The following CCDC148 variants were observed in gnomAD, a reference collection of about 807,000 sequenced individuals.
CCDC148 encodes coiled-coil domain-containing protein 148.
A neutral mutation model predicts 85.7 loss-of-function variants in CCDC148; 89 were observed. The ratio of observed to expected loss-of-function variants is 1.04; its 90% CI spans 0.87 to 1.24. CCDC148 has a LOEUF of 1.24. Among genes scored for constraint, CCDC148 ranks in the 50% most tolerant of loss-of-function variants. CCDC148 has a pLI of 0.00. For missense variants in CCDC148, 692 were observed against 671.7 expected (o/e 1.03, Z -0.33); for synonymous variants, 230 against 213.9 (o/e 1.08, Z -0.66).
chr2:158,307,972 C>T (rs1691777208), intron 9 of CCDC148, among the ~76,000 whole-genome samples: 1 of 152,120 alleles, frequency 6.6e-6, no homozygotes, highest in Non-Finnish European at 1.5e-5. Flanking sequence ...GCGTGTGTGT[C>T]ATAAAGCTTC....
At chr2:158,274,112 T>G (rs190217136) in intron 9 of CCDC148, among the ~76,000 whole-genome samples, 1 of 152,298 alleles carries the variant, frequency 6.6e-6, no homozygotes, top group African/African-American at 2.4e-5. Context: ...GGAATGTCCC[T>G]AGATGTCATT....
chr2:158,448,602 C>T (rs569849625), intron 1 of CCDC148, among the ~76,000 whole-genome samples: 6 of 152,116 alleles, frequency 3.9e-5, no homozygotes, highest in Non-Finnish European at 7.4e-5. Flanking sequence ...GCTCGGCCTT[C>T]CAAAGTGCTG....
At chr2:158,272,452 C>T (rs1455342797) in intron 9 of CCDC148, among the ~76,000 whole-genome samples, 1 of 152,154 alleles carries the variant, frequency 6.6e-6, no homozygotes, top group African/African-American at 2.4e-5. Flanking sequence ...AAAAAGTACA[C>T]AACTACTGCC....
At chr2:158,352,830 G>A (rs1216566674) in intron 2 of CCDC148, among the ~76,000 whole-genome samples, 1 of 152,062 alleles carries the variant, frequency 6.6e-6, no homozygotes, top group Non-Finnish European at 1.5e-5. Flanking sequence ...CAGAGAGAAA[G>A]GTCGGGTTAC....
intron 11 of CCDC148, among the ~76,000 whole-genome samples, chr2:158,217,466 G>A (rs6730493): frequency 0.36 from 53,435 of 150,158 alleles, 11,390 homozygotes; most frequent in South Asian, 0.6. Context: ...GCGGTAGCAC[G>A]ATCTCAGCTC....
intron 9 of CCDC148, among the ~76,000 whole-genome samples, chr2:158,306,858 A>C (rs1691714867): frequency 1.3e-5 from 2 of 151,264 alleles, no homozygotes; most frequent in Admixed American, 1.3e-4. Flanking sequence ...AAAAAAAAAA[A>C]TTACAAAAAA....
At chr2:158,226,853 T>G (rs1687567222) in intron 10 of CCDC148, among the ~76,000 whole-genome samples, 2 of 152,124 alleles carry the variant, frequency 1.3e-5, no homozygotes, top group South Asian at 2.1e-4. Context: ...AATATCATAC[T>G]GAATGGGCAA....
intron 1 of CCDC148, among the ~76,000 whole-genome samples, chr2:158,364,430 C>T (rs544386484): frequency 6.6e-6 from 1 of 152,270 alleles, no homozygotes; most frequent in East Asian, 1.9e-4. Context: ...GCTACAGTAA[C>T]CAAAACAGCA....
intron 1 of CCDC148, among the ~76,000 whole-genome samples, chr2:158,426,767 T>C (rs1687097775): frequency 6.6e-6 from 1 of 152,202 alleles, no homozygotes; most frequent in Admixed American, 6.5e-5. Flanking sequence ...TAACTTTATT[T>C]GTTCCAGTGA....
intron 9 of CCDC148, among the ~76,000 whole-genome samples, chr2:158,301,587 A>G (rs1285484114): frequency 1.3e-5 from 2 of 152,222 alleles, no homozygotes; most frequent in Non-Finnish European, 2.9e-5. Context: ...TAAGGATATA[A>G]GAGCAAAGAG....
chr2:158,280,614 C>A (rs1405174697), intron 9 of CCDC148, among the ~76,000 whole-genome samples: 2 of 152,082 alleles, frequency 1.3e-5, no homozygotes, highest in Non-Finnish European at 2.9e-5. Context: ...CAGAAGCACC[C>A]AGATTCATAA....
At chr2:158,456,388 G>A in intron 1 of CCDC148, 27 bp downstream of exon 1, 2 of 1,609,396 alleles carry the variant, frequency 1.2e-6, no homozygotes, top group South Asian at 1.1e-5. Flanking sequence ...AGGAAGCAGC[G>A]ATGGAAGGGA....
chr2:158,268,131 A>G (rs1159631869), intron 9 of CCDC148, among the ~76,000 whole-genome samples: 1 of 152,208 alleles, frequency 6.6e-6, no homozygotes, highest in Admixed American at 6.5e-5. Flanking sequence ...GCTGAGTCGT[A>G]CATGTTTAAC....
intron 9 of CCDC148, among the ~76,000 whole-genome samples, chr2:158,300,372 G>C (rs2105198484): frequency 6.6e-6 from 1 of 152,256 alleles, no homozygotes; most frequent in Non-Finnish European, 1.5e-5. Context: ...GAATAAGATG[G>C]TGTTCCTGTT....
In CCDC148 at chr2:158,340,292, G is replaced by T. The variant is rs760807168; in HGVS notation, c.436C>A (p.Gln146Lys). ...AACTCAATATGTGGGTGTGAATGCT[G>T]CAAAGTGTGATGCTGTCTGTATTTT... is the stretch of plus-strand genomic sequence containing the variant. ...DLKYRQHHTL[Q>K]HSHPHIEFNS... The change falls in exon 5 of 14, where the codon CAG becomes AAG. Residue 146 changes from glutamine (Q) to lysine (K), a missense_variant. Physicochemically the swap from Gln to Lys is moderately conservative, Grantham distance 53. Transcript: ENST00000283233. 4 of 1,613,934 alleles carry T rather than the reference G, an allele frequency of 2.5e-6. No homozygotes were observed. The highest frequency in any genetic ancestry group is 3.4e-6 in the Non-Finnish European group (4 of 1,179,938).
chr2:158,300,768 C>G (rs1207988950), intron 9 of CCDC148, among the ~76,000 whole-genome samples: 1 of 152,190 alleles, frequency 6.6e-6, no homozygotes, highest in Non-Finnish European at 1.5e-5. Flanking sequence ...GTCCAAATTA[C>G]TGAAAACCTG....
In CCDC148 at chr2:158,340,649, G is replaced by T; in HGVS notation, c.283C>A (p.Leu95Ile). 1 of 1,587,564 alleles carries T rather than the reference G, an allele frequency of 6.3e-7. No individual in the cohort carries two copies. The highest frequency in any genetic ancestry group is 8.6e-7 in the Non-Finnish European group (1 of 1,163,306). Residue 95 changes from leucine (L) to isoleucine (I), a missense_variant, in exon 4 of 14, where the codon CTC becomes ATC. By Grantham distance (5) the Leu-to-Ile change is conservative. Coordinates refer to ENST00000283233, the MANE Select transcript of CCDC148 (RefSeq NM_138803.4). ...CKMESEIKSL[L>I]NEENIGNECL... is the part of the protein sequence containing the mutation. ...TCATTTCCAATGTTCTCTTCATTGA[G>T]AAGGGATTTTATTTCAGATTCCATT...
At chr2:158,294,878 T>C (rs1054112058) in intron 9 of CCDC148, among the ~76,000 whole-genome samples, 2 of 151,784 alleles carry the variant, frequency 1.3e-5, no homozygotes, top group African/African-American at 4.8e-5. Context: ...ACCATGTTAC[T>C]TTGCATTCCC....
At chr2:158,453,314 A>C (rs997839755) in intron 1 of CCDC148, among the ~76,000 whole-genome samples, 3 of 152,228 alleles carry the variant, frequency 2.0e-5, no homozygotes, top group African/African-American at 7.2e-5. Context: ...AAACTTTCAG[A>C]AAGTTTTTAC....
Sources: gnomAD v4.1 joint callset for allele counts (sites outside exome capture counted in the v4.1 genomes callset) on GRCh38, gnomAD v4.1.1 for gene constraint, MANE v1.5 for transcripts, NCBI Gene and HGNC (gene_info 2026-07-23, HGNC 2026-07-21) for gene names.